PCDH11X: variants seen among roughly 807,000 people sequenced by gnomAD.
PCDH11X encodes the protein protocadherin 11 X-linked, also known as protocadherin-11 X-linked.
PCDH11X carries 18 observed loss-of-function variants against 53.3 expected under a neutral mutation model. The ratio of observed to expected loss-of-function variants is 0.34; its 90% CI spans 0.23 to 0.50. PCDH11X has a LOEUF of 0.50. Ranked by LOEUF, PCDH11X falls within the 20% of genes least tolerant of loss-of-function variation. The pLI is 0.98. For missense variants in PCDH11X, 570 were observed against 1,032.4 expected (o/e 0.55, Z 6.14); for synonymous variants, 279 against 393.3 (o/e 0.71, Z 3.44).
chrX:91,945,376 C>T (rs868664839), intron 6 of PCDH11X, among the ~76,000 whole-genome samples: 60 of 106,467 alleles, frequency 5.6e-4, no homozygotes, highest in Middle Eastern at 4.7e-3. Flanking sequence ...TTTATGAAAG[C>T]AAGAATAAAT....
chrX:92,243,404 C>A (rs957282608), intron 7 of PCDH11X, among the ~76,000 whole-genome samples: 84 of 110,180 alleles, frequency 7.6e-4, no homozygotes, highest in African/African-American at 2.8e-3. Flanking sequence ...TTTCAAAAAT[C>A]GATCAGACAT....
In PCDH11X at chrX:92,371,026, T is replaced by G. The variant is rs191427053; in HGVS notation, c.3145-16709T>G. 4.0e-3 allele frequency among the ~76,000 whole-genome samples: 445 copies of G among 111,855 alleles called. 10 individuals carry two copies. Among genetic ancestry groups the G allele is most frequent in the Admixed American group, 0.034 (364 of 10,564 alleles). On this transcript the variant is annotated intron_variant, in intron 8 of 10. Transcript: ENST00000682573. ...TTGCTTACTATTAGCATAGCTATGA[T>G]TGCTTTCTTTTGGCCACTATTTGCA...
chrX:92,089,809 C>A (rs1177293384), intron 6 of PCDH11X, among the ~76,000 whole-genome samples: 2 of 109,607 alleles, frequency 1.8e-5, no homozygotes, highest in African/African-American at 6.6e-5. Flanking sequence ...AGGCATGAGC[C>A]ATCGTGCCTG....
intron 6 of PCDH11X, among the ~76,000 whole-genome samples, chrX:92,080,332 GTAGCAA>G (rs1335992249): frequency 9.0e-6 from 1 of 111,368 alleles, no homozygotes; most frequent in Non-Finnish European, 1.9e-5. Flanking sequence ...ATTTGTTACA[GTAGCAA>G]TAGGAAACAA....
At chrX:92,249,596 A>G (rs1056488873) in intron 7 of PCDH11X, among the ~76,000 whole-genome samples, 9 of 112,340 alleles carry the variant, frequency 8.0e-5, no homozygotes, top group Admixed American at 5.7e-4. Context: ...TTATGTGAGA[A>G]TAAGGTGCAA....
intron 6 of PCDH11X, among the ~76,000 whole-genome samples, chrX:91,941,490 C>T (rs1316031066): frequency 3.7e-5 from 4 of 108,851 alleles, no homozygotes; most frequent in Admixed American, 2.0e-4. Flanking sequence ...ATGTTAAAGG[C>T]ATGCATTCAT....
chrX:92,235,794 A>G (rs1429283462), intron 7 of PCDH11X, among the ~76,000 whole-genome samples: 2 of 111,467 alleles, frequency 1.8e-5, no homozygotes, highest in African/African-American at 6.5e-5. Context: ...TCAAAACTAA[A>G]TGATTATTGA....
intron 4 of PCDH11X, among the ~76,000 whole-genome samples, chrX:91,828,389 C>G (rs1192673820): frequency 3.6e-5 from 4 of 111,228 alleles, no homozygotes; most frequent in Non-Finnish European, 7.5e-5. Flanking sequence ...AGGCAGAATT[C>G]TTTATCATTT....
chrX:91,818,492 G>A (rs1436190957), intron 4 of PCDH11X, among the ~76,000 whole-genome samples: 2 of 108,764 alleles, frequency 1.8e-5, no homozygotes, highest in Non-Finnish European at 3.8e-5. Context: ...GAGGTCAGGA[G>A]ATCAAAACCA....
chrX:92,431,722 G>A (rs891178231), intron 9 of PCDH11X, among the ~76,000 whole-genome samples: 21 of 108,197 alleles, frequency 1.9e-4, no homozygotes, highest in East Asian at 2.9e-4. Context: ...CAAGAATTTC[G>A]GAAGCTACAT....
chrX:92,348,545 A>T (rs867730492), intron 8 of PCDH11X, among the ~76,000 whole-genome samples: 12 of 82,554 alleles, frequency 1.5e-4, no homozygotes, highest in Admixed American at 8.9e-4. Context: ...TATTATTATT[A>T]TTATTTTTGA....
At chrX:92,368,958 A>G (rs1020059074) in intron 8 of PCDH11X, among the ~76,000 whole-genome samples, 21 of 104,994 alleles carry the variant, frequency 2.0e-4, no homozygotes, top group Admixed American at 2.0e-4. Context: ...GGTCTCTCCC[A>G]GTCAGGAGGC....
intron 7 of PCDH11X, among the ~76,000 whole-genome samples, chrX:92,236,867 G>A (rs1438672539): frequency 8.9e-6 from 1 of 111,814 alleles, no homozygotes; most frequent in Non-Finnish European, 1.9e-5. Flanking sequence ...AATGTACAAT[G>A]AGATGCCGAC....
intron 6 of PCDH11X, among the ~76,000 whole-genome samples, chrX:92,175,122 T>G (rs2065884859): frequency 9.0e-6 from 1 of 110,901 alleles, no homozygotes; most frequent in African/African-American, 3.3e-5. Context: ...ATTACAGGCA[T>G]GCACCACCAT....
chrX:92,117,328 C>T (rs34081983), intron 6 of PCDH11X, among the ~76,000 whole-genome samples: 1 of 108,808 alleles, frequency 9.2e-6, no homozygotes, highest in African/African-American at 3.4e-5. Flanking sequence ...CCCAGCTACT[C>T]GGGAGGCTGA....
intron 8 of PCDH11X, among the ~76,000 whole-genome samples, chrX:92,373,530 T>C (rs1176960643): frequency 9.0e-6 from 1 of 110,857 alleles, no homozygotes; most frequent in Non-Finnish European, 1.9e-5. Context: ...TCAAAATAAT[T>C]CTTATGCCAA....
At chrX:92,413,613 C>T (rs2071738923) in intron 9 of PCDH11X, among the ~76,000 whole-genome samples, 1 of 101,870 alleles carries the variant, frequency 9.8e-6, no homozygotes, top group Admixed American at 1.0e-4. Context: ...TGATGAGGTT[C>T]ATACATTTGG....
intron 4 of PCDH11X, among the ~76,000 whole-genome samples, chrX:91,816,562 G>T (rs1374551701): frequency 9.0e-6 from 1 of 110,945 alleles, no homozygotes; most frequent in East Asian, 2.8e-4. Context: ...TTAAATCGGT[G>T]GTATTCATTA....
In PCDH11X at chrX:92,113,655, G is replaced by A; in HGVS notation, c.3034-87720G>A. On this transcript the variant is annotated intron_variant, in intron 6 of 10. Transcript: ENST00000682573. ...AGATGACTGCCTGGGTGATGGTCAG[G>A]GTTTCATACAAGTCACATAGTGTGT... 3 of 1,199,887 alleles carry A rather than the reference G, an allele frequency of 2.5e-6. No homozygotes were observed. The South Asian group carries it at 5.3e-5, about 21-fold the overall frequency.
Sources: allele counts gnomAD v4.1 joint callset (sites outside exome capture counted in the v4.1 genomes callset), GRCh38; gene constraint gnomAD v4.1.1; transcripts MANE v1.5; gene names NCBI Gene and HGNC (gene_info 2026-07-23, HGNC 2026-07-21).